BABAM2: variants seen among roughly 807,000 people sequenced by gnomAD.
BABAM2 encodes the protein BRISC and BRCA1-A complex member 2.
In BABAM2, 31 loss-of-function variants were observed where a neutral mutation model predicts 54.7. That is an observed-to-expected ratio of 0.57 (90% CI 0.43 to 0.77). The LOEUF (loss-of-function observed/expected upper bound fraction) is 0.77, where lower values mean the gene tolerates loss of function less well. BABAM2 is among the 30% of genes least tolerant of loss of function. BABAM2 has a pLI of 0.00. For missense variants in BABAM2, 364 were observed against 455.8 expected, an observed-to-expected ratio of 0.80 and a Z score of 1.83; for synonymous variants, 167 against 162.9, an observed-to-expected ratio of 1.03 and a Z score of -0.19.
intron 6 of BABAM2, among the ~76,000 whole-genome samples, chr2:28,105,737 G>A (rs1254205661): frequency 6.6e-6 from 1 of 152,144 alleles, no homozygotes; most frequent in African/African-American, 2.4e-5. Flanking sequence ...ACTACTTTGG[G>A]CCTCAAATCT....
At chr2:28,069,605 G>A (rs2148655814) in intron 6 of BABAM2, among the ~76,000 whole-genome samples, 1 of 152,264 alleles carries the variant, frequency 6.6e-6, no homozygotes, top group East Asian at 1.9e-4. Flanking sequence ...AGCAGGATTG[G>A]CCCAATGGGA....
intron 3 of BABAM2, among the ~76,000 whole-genome samples, chr2:27,942,685 T>C (rs1026355007): frequency 2.0e-5 from 3 of 152,048 alleles, no homozygotes; most frequent in Admixed American, 1.3e-4. Flanking sequence ...CTTAATGTAA[T>C]AGGCTGTTCT....
intron 2 of BABAM2, among the ~76,000 whole-genome samples, chr2:27,902,332 C>T (rs940076972): frequency 1.1e-4 from 17 of 152,064 alleles, no homozygotes; most frequent in Non-Finnish European, 2.1e-4. Flanking sequence ...ATTTTCATTT[C>T]GGTTAAATAA....
At chr2:28,049,804 G>C (rs1004163672) in intron 6 of BABAM2, among the ~76,000 whole-genome samples, 1 of 152,192 alleles carries the variant, frequency 6.6e-6, no homozygotes, top group African/African-American at 2.4e-5. Flanking sequence ...AGAGAGTTGT[G>C]AATATGTAAC....
chr2:27,961,058 T>C (rs1670427810), intron 3 of BABAM2, among the ~76,000 whole-genome samples: 1 of 152,204 alleles, frequency 6.6e-6, no homozygotes, highest in Admixed American at 6.5e-5. Flanking sequence ...TGGCCATCTC[T>C]TAGACACTTT....
At chr2:28,317,656 A>C (rs1689677580) in intron 11 of BABAM2, among the ~76,000 whole-genome samples, 1 of 152,214 alleles carries the variant, frequency 6.6e-6, no homozygotes, top group African/African-American at 2.4e-5. Flanking sequence ...GACAGCCAAA[A>C]CAACCTGTTC....
intron 10 of BABAM2, among the ~76,000 whole-genome samples, chr2:28,251,309 A>G (rs1683460306): frequency 6.6e-6 from 1 of 152,196 alleles, no homozygotes; most frequent in Non-Finnish European, 1.5e-5. Context: ...AGTCATTTAA[A>G]TAATTCTTTC....
chr2:27,927,912 TG>T (rs1667829790), intron 2 of BABAM2, among the ~76,000 whole-genome samples: 1 of 151,846 alleles, frequency 6.6e-6, no homozygotes, highest in Admixed American at 6.6e-5. Flanking sequence ...GGTGCAGTCT[TG>T]GCTCACTGCA....
intron 6 of BABAM2, among the ~76,000 whole-genome samples, chr2:28,087,796 G>A (rs1665797512): frequency 6.6e-6 from 1 of 152,012 alleles, no homozygotes; most frequent in Non-Finnish European, 1.5e-5. Context: ...TTACAGGCGT[G>A]CGCCACTATG....
intron 7 of BABAM2, among the ~76,000 whole-genome samples, chr2:28,170,090 C>G (rs1366420219): frequency 1.3e-5 from 2 of 151,658 alleles, no homozygotes; most frequent in Non-Finnish European, 2.9e-5. Context: ...CAGAGATTAA[C>G]AGAAAAAATT....
intron 10 of BABAM2, among the ~76,000 whole-genome samples, chr2:28,267,691 C>T (rs1248127941): frequency 7.9e-5 from 12 of 152,228 alleles, no homozygotes; most frequent in Non-Finnish European, 1.6e-4. Context: ...TCCTCCACTG[C>T]ACCCTCTTCT....
Position 28,026,828 on chromosome 2 carries a change from A to T in BABAM2, c.495+1408A>T, listed in dbSNP as rs1231389643. On this transcript the variant is annotated intron_variant, in intron 5 of 11. Coordinates refer to ENST00000379624, the MANE Select transcript of BABAM2 (RefSeq NM_199191.3). The stretch of plus-strand genomic sequence containing the variant: ...AAAATATATAAATATATATTTATAT[A>T]TATAAATATATATAAATATATATTT... Among the ~76,000 whole-genome samples the T allele has an allele frequency of 1.2e-4, 6 of 50,564 alleles. 1 individual carries two copies. The highest frequency in any genetic ancestry group is 4.7e-4 in the African/African-American group (6 of 12,814). The allele number at this position is 50,564 out of a possible 152,430, so 33.2% of individuals were successfully genotyped here. A position where few individuals can be genotyped will look rare whatever the true frequency, so the allele number is the denominator to read the frequency against.
rs375426095 is a variant in BABAM2, at chr2:28,016,103, C to T, written c.301-9123C>T. On this transcript the variant is annotated intron_variant, in intron 4 of 11. Transcript: ENST00000379624. Reference sequence around the variant, plus strand: ...CGGTTCTTTTTCTTTCTCAGTTTTCCGTGTTTCTTACCCTTATCTTCAGAA... The same window carrying T: ...CGGTTCTTTTTCTTTCTCAGTTTTCTGTGTTTCTTACCCTTATCTTCAGAA... The T allele has an allele frequency of 6.6e-5, 63 of 958,570 alleles. 1 individual carries two copies. Among genetic ancestry groups the T allele is most frequent in the African/African-American group, 3.6e-4 (22 of 61,426 alleles). 59.4% of individuals were successfully genotyped at this position (958,570 alleles called of 1,614,324 possible).
At chr2:28,220,002 C>T (rs1248129590) in intron 7 of BABAM2, among the ~76,000 whole-genome samples, 1 of 152,188 alleles carries the variant, frequency 6.6e-6, no homozygotes, top group Non-Finnish European at 1.5e-5. Flanking sequence ...TCACTTGTCT[C>T]AGCACCTGGG....
At chr2:28,094,653 T>C (rs557372357) in intron 6 of BABAM2, among the ~76,000 whole-genome samples, 2 of 152,226 alleles carry the variant, frequency 1.3e-5, no homozygotes, top group African/African-American at 2.4e-5. Flanking sequence ...TAAAAAGATA[T>C]ACATTGAAAA....
chr2:27,952,597 G>A (rs1669814699), intron 3 of BABAM2, among the ~76,000 whole-genome samples: 1 of 152,088 alleles, frequency 6.6e-6, no homozygotes, highest in Non-Finnish European at 1.5e-5. Flanking sequence ...TATTATTCTG[G>A]CTCTTAAGGG....
chr2:28,195,177 T>TA (rs1421906168), intron 7 of BABAM2, among the ~76,000 whole-genome samples: 1 of 152,170 alleles, frequency 6.6e-6, no homozygotes, highest in Non-Finnish European at 1.5e-5. Context: ...CATTGGGGGA[T>TA]AAAAAATATA....
chr2:27,933,571 C>T (rs950668726), intron 3 of BABAM2, among the ~76,000 whole-genome samples: 1 of 151,706 alleles, frequency 6.6e-6, no homozygotes, highest in African/African-American at 2.4e-5. Flanking sequence ...CGGGTTCAAG[C>T]AATTCTCCTG....
At chr2:28,214,661 C>T (rs1679772835) in intron 7 of BABAM2, among the ~76,000 whole-genome samples, 1 of 152,024 alleles carries the variant, frequency 6.6e-6, no homozygotes, top group Non-Finnish European at 1.5e-5. Flanking sequence ...TTGCCTTGTT[C>T]CCAATCCTAG....
Sources: gnomAD v4.1 joint callset for allele counts (sites outside exome capture counted in the v4.1 genomes callset) on GRCh38, gnomAD v4.1.1 for gene constraint, MANE v1.5 for transcripts, NCBI Gene and HGNC (gene_info 2026-07-23, HGNC 2026-07-21) for gene names.